Variants in SORL1 observed in about 807,000 individuals in gnomAD.
SORL1 encodes the protein sortilin related receptor 1.
Under a neutral mutation model 273.7 loss-of-function variants are expected in SORL1, and 127 were observed. The observed-to-expected ratio is 0.46, with a 90% CI of 0.40 to 0.54. The LOEUF is 0.54. Ranked by LOEUF, SORL1 falls within the 20% of genes least tolerant of loss-of-function variation. The pLI is 0.00. For synonymous variants in SORL1, 1,031 were observed against 1,067.4 expected (o/e 0.97, Z 0.66); for missense variants, 2,494 against 2,846.1 (o/e 0.88, Z 2.81).
intron 26 of SORL1, among the ~76,000 whole-genome samples, chr11:121,583,900 C>G (rs572336966): frequency 6.6e-6 from 1 of 152,272 alleles, no homozygotes; most frequent in South Asian, 2.1e-4. Context: ...GCCAAACATT[C>G]CAAGTTTTCA....
intron 5 of SORL1, among the ~76,000 whole-genome samples, chr11:121,493,845 A>G (rs1317054207): frequency 6.6e-6 from 1 of 152,212 alleles, no homozygotes; most frequent in Non-Finnish European, 1.5e-5. Context: ...ATAGAGGTAA[A>G]GATGGAGCTG....
In SORL1 at chr11:121,632,163, C is replaced by T. The variant is rs1591361670; in HGVS notation, c.*2600C>T. Reference sequence around the variant, plus strand: ...GGAAAAAGGTTTTATTCTCTCCTGGCATACATTAGAATGTCAGATGCTTGC... The same window carrying T: ...GGAAAAAGGTTTTATTCTCTCCTGGTATACATTAGAATGTCAGATGCTTGC... On this transcript the variant is annotated 3_prime_UTR_variant, in exon 48 of 48. Transcript: ENST00000260197. 6.6e-6 allele frequency: 1 copy of T among 152,194 alleles called. No individual in the cohort carries two copies. The highest frequency in any genetic ancestry group is 6.5e-5 in the Admixed American group (1 of 15,282). 9.4% of individuals were successfully genotyped at this position (152,194 alleles called of 1,614,324 possible).
At chr11:121,538,717 C>T (rs972012747) in intron 12 of SORL1, among the ~76,000 whole-genome samples, 1 of 151,996 alleles carries the variant, frequency 6.6e-6, no homozygotes, top group African/African-American at 2.4e-5. Context: ...CTCACTCTGT[C>T]GCTTAGGCTG....
intron 10 of SORL1, 78 bp from the exon 11 acceptor site, chr11:121,522,838 C>G (rs773232170): frequency 7.1e-7 from 1 of 1,400,836 alleles, no homozygotes; most frequent in Non-Finnish European, 1.0e-6. Context: ...CTAGATACTA[C>G]GCAGAATTTC....
At chr11:121,497,095 G>T (rs1272978481) in intron 6 of SORL1, 46 bp downstream of exon 6, 2 of 1,537,212 alleles carry the variant, frequency 1.3e-6, no homozygotes, top group Non-Finnish European at 1.8e-6. Context: ...AGTTTCCTTT[G>T]TGAAGTTTGG....
chr11:121,491,218 A>T (rs557146799), intron 5 of SORL1, among the ~76,000 whole-genome samples: 6 of 152,344 alleles, frequency 3.9e-5, no homozygotes, highest in African/African-American at 1.4e-4. Context: ...ATCGCTTGAT[A>T]AAGGAATTTG....
chr11:121,476,794 CCCTTCCTCCCTCCCTTCCTTCCTT>C (rs1347363232), intron 2 of SORL1, among the ~76,000 whole-genome samples: 1 of 135,584 alleles, frequency 7.4e-6, no homozygotes, highest in Non-Finnish European at 1.6e-5. Context: ...CTTCCTTCCT[CCCTTCCTCCCTCCCTTCCTTCCTT>C]CCTCGCTCTG....
At chr11:121,457,983 C>G (rs944024980) in intron 1 of SORL1, among the ~76,000 whole-genome samples, 2 of 152,160 alleles carry the variant, frequency 1.3e-5, no homozygotes, top group African/African-American at 2.4e-5. Context: ...TTGGTCTGTT[C>G]CTCCTTAGAG....
chr11:121,470,442 G>A (rs986706379), intron 2 of SORL1, among the ~76,000 whole-genome samples: 3 of 152,232 alleles, frequency 2.0e-5, no homozygotes, highest in African/African-American at 7.2e-5. Context: ...AGCTGAGCCC[G>A]ATGGAATCAA....
At chr11:121,524,718 TC>T (rs375481636) in intron 11 of SORL1, among the ~76,000 whole-genome samples, 99 of 152,162 alleles carry the variant, frequency 6.5e-4, no homozygotes, top group Admixed American at 2.2e-3. Flanking sequence ...TGTGCTTTTT[TC>T]TCTTTTTAAA....
At chr11:121,460,379 G>A (rs919067010) in intron 1 of SORL1, among the ~76,000 whole-genome samples, 11 of 147,268 alleles carry the variant, frequency 7.5e-5, no homozygotes, top group African/African-American at 2.0e-4. Context: ...GAGCTGAGGT[G>A]TAGTGTCATG....
intron 24 of SORL1, among the ~76,000 whole-genome samples, chr11:121,576,368 CAGA>C (rs1862931317): frequency 6.6e-6 from 1 of 152,276 alleles, no homozygotes; most frequent in Admixed American, 6.5e-5. Flanking sequence ...GCAAGCGTGG[CAGA>C]AGGAGTGAAC....
At chr11:121,473,550 A>G (rs1479010346) in intron 2 of SORL1, among the ~76,000 whole-genome samples, 1 of 149,872 alleles carries the variant, frequency 6.7e-6, no homozygotes, top group Non-Finnish European at 1.5e-5. Flanking sequence ...CTCAGGTGCA[A>G]CATAATTGGC....
intron 41 of SORL1, among the ~76,000 whole-genome samples, chr11:121,618,061 C>T (rs771721098): frequency 1.3e-5 from 2 of 152,130 alleles, no homozygotes; most frequent in African/African-American, 2.4e-5. Flanking sequence ...GTATTCCAGG[C>T]GACCAGAGGG....
chr11:121,606,811 A>G (rs377101221), intron 35 of SORL1, 34 bp from the exon 36 acceptor site: 2 of 1,514,450 alleles, frequency 1.3e-6, no homozygotes, highest in South Asian at 1.1e-5. Flanking sequence ...TGCTATGCAG[A>G]TGGGTTTTAA....
At chr11:121,514,426 CG>C (rs1213928204) in intron 8 of SORL1, 105 bp downstream of exon 8, 3 of 1,183,598 alleles carry the variant, frequency 2.5e-6, no homozygotes, top group African/African-American at 3.1e-5. Context: ...TGGATACACC[CG>C]GGGAGCTTTC....
intron 25 of SORL1, 35 bp from the exon 26 acceptor site, chr11:121,583,423 G>T (rs773335429): frequency 2.1e-5 from 33 of 1,593,702 alleles, no homozygotes; most frequent in Non-Finnish European, 2.7e-5. Flanking sequence ...ATGGAGATGA[G>T]GGGTGTGCGA....
chr11:121,579,488 T>C, intron 25 of SORL1, among the ~76,000 whole-genome samples: 1 of 152,372 alleles, frequency 6.6e-6, no homozygotes, highest in South Asian at 2.1e-4. Context: ...CACGAGGCTG[T>C]TTCTTTATTC....
rs535326214 is a variant in SORL1, at chr11:121,467,940, CAA to C, written c.286-2063_286-2062del. 1.2e-4 allele frequency among the ~76,000 whole-genome samples: 18 copies of C among 152,194 alleles called. No individual in the cohort carries two copies. In the South Asian group the frequency reaches 2.7e-3, roughly 23 times the overall value. On this transcript the variant is annotated intron_variant, in intron 1 of 47. Coordinates refer to ENST00000260197, the MANE Select transcript of SORL1 (RefSeq NM_003105.6). Reference sequence around the variant, plus strand: ...GTAAGGTCGCCTTTCAAATGTTTTTCAAAAAGAGTTTGATCCTGGATCAAATT... The same window carrying C: ...GTAAGGTCGCCTTTCAAATGTTTTTCAAAGAGTTTGATCCTGGATCAAATT...
Sources: gnomAD v4.1 joint callset for allele counts (sites outside exome capture counted in the v4.1 genomes callset) on GRCh38, gnomAD v4.1.1 for gene constraint, MANE v1.5 for transcripts, NCBI Gene and HGNC (gene_info 2026-07-23, HGNC 2026-07-21) for gene names.